Variants in UBE2R2 observed in about 807,000 individuals in gnomAD.
UBE2R2 encodes the protein ubiquitin conjugating enzyme E2 R2.
Under a neutral mutation model 27.8 loss-of-function variants are expected in UBE2R2, and 1 was observed. The ratio of observed to expected loss-of-function variants is 0.04; its 90% confidence interval spans 0.01 to 0.17. UBE2R2 has a LOEUF of 0.17. Among genes scored for constraint, UBE2R2 ranks in the 10% least tolerant of loss-of-function variants. The probability of loss-of-function intolerance (pLI) is 1.00; values close to 1 mark genes in which losing one functional copy is unlikely to be tolerated. For synonymous variants in UBE2R2, 106 were observed against 113.3 expected (o/e 0.94, Z 0.41); for missense variants, 100 against 291.0 (o/e 0.34, Z 4.78).
At chr9:33,867,478 G>A (rs1013231423) in intron 1 of UBE2R2, among the ~76,000 whole-genome samples, 2 of 152,184 alleles carry the variant, frequency 1.3e-5, no homozygotes, top group Admixed American at 6.5e-5. Context: ...ATGTACAGGT[G>A]TAGTAAGATT....
At chr9:33,875,745 C>A (rs1191585640) in intron 1 of UBE2R2, among the ~76,000 whole-genome samples, 2 of 152,066 alleles carry the variant, frequency 1.3e-5, no homozygotes, top group Non-Finnish European at 2.9e-5. Context: ...AAAGACAATG[C>A]TTAGAATTGT....
rs769336264 is a variant in UBE2R2 at position 33,919,864 on chromosome 9, C to G, written c.*2627C>G. 1.3e-5 allele frequency: 2 copies of G among 152,158 alleles called. No individual in the cohort carries two copies. The highest frequency in any genetic ancestry group is 2.9e-5 in the Non-Finnish European group (2 of 68,024). The allele number at this position is 152,158 out of a possible 1,614,324, so 9.4% of individuals were successfully genotyped here. On this transcript the variant is annotated 3_prime_UTR_variant, in exon 5 of 5. Coordinates refer to ENST00000263228, the MANE Select transcript of UBE2R2 (RefSeq NM_017811.4). ...CCTTTTAGTTCTAATTGAGGCCTCA[C>G]TAGATGCTCTTCAGTTCTGTGTATT...
At position 33,825,361 on chromosome 9, in the gene UBE2R2, T is replaced by C. The variant is rs561067918; in HGVS notation, c.177+7427T>C. Among the ~76,000 whole-genome samples, 168 of 151,422 alleles carry C rather than the reference T, an allele frequency of 1.1e-3. 1 individual carries two copies. The highest frequency in any genetic ancestry group is 3.9e-3 in the African/African-American group (161 of 41,270). ...GGTCCAAGCAATTCTCCTCCTCAGCTTCCCGAGTAGCTGGGGCTACAGGCG... is the reference window on the plus strand; with the variant it reads ...GGTCCAAGCAATTCTCCTCCTCAGCCTCCCGAGTAGCTGGGGCTACAGGCG... On this transcript the variant is annotated intron_variant, in intron 1 of 4. Transcript: ENST00000263228.
chr9:33,827,713 G>A (rs150368867), intron 1 of UBE2R2, among the ~76,000 whole-genome samples: 2,758 of 152,044 alleles, frequency 0.018, 85 homozygotes, highest in African/African-American at 0.062. Flanking sequence ...ACCCATGCCT[G>A]TAATCCCAGC....
In UBE2R2 at chr9:33,896,606, ATT is replaced by A. The variant is rs60575205; in HGVS notation, c.265-3554_265-3553del. Among the ~76,000 whole-genome samples, 281 of 139,500 alleles carry A rather than the reference ATT, an allele frequency of 2.0e-3. 1 individual carries two copies. The highest frequency in any genetic ancestry group is 5.6e-3 in the African/African-American group (213 of 38,064). 91.5% of individuals were successfully genotyped at this position (139,500 alleles called of 152,430 possible). A position where few individuals can be genotyped will look rare whatever the true frequency, so the allele number is the denominator to read the frequency against. On this transcript the variant is annotated intron_variant, in intron 2 of 4. Transcript: ENST00000263228. ...TACCGGCGCTGTGTCATGACTGGCT[ATT>A]TTTTTTTTTTTTTGTATTTTTAGTA...
chr9:33,862,480 G>T (rs1821261434), intron 1 of UBE2R2, among the ~76,000 whole-genome samples: 1 of 152,118 alleles, frequency 6.6e-6, no homozygotes, highest in Non-Finnish European at 1.5e-5. Context: ...CTTGATGTTT[G>T]ACATATATTT....
intron 2 of UBE2R2, among the ~76,000 whole-genome samples, chr9:33,889,499 C>A (rs1353938047): frequency 6.6e-6 from 1 of 152,232 alleles, no homozygotes; most frequent in Non-Finnish European, 1.5e-5. Flanking sequence ...CCACCGCACC[C>A]GGCCCTCTCT....
intron 3 of UBE2R2, among the ~76,000 whole-genome samples, chr9:33,910,340 G>C (rs928855718): frequency 1.1e-4 from 16 of 151,908 alleles, no homozygotes; most frequent in African/African-American, 3.9e-4. Context: ...GTAGAGACGG[G>C]GTTTCACCGT....
At chr9:33,871,287 G>T (rs915609447) in intron 1 of UBE2R2, among the ~76,000 whole-genome samples, 1 of 152,196 alleles carries the variant, frequency 6.6e-6, no homozygotes, top group African/African-American at 2.4e-5. Context: ...ATGGTAACAT[G>T]TTTGGTTTTC....
chr9:33,872,228 CA>C (rs760878428), intron 1 of UBE2R2, among the ~76,000 whole-genome samples: 2,234 of 133,306 alleles, frequency 0.017, 33 homozygotes, highest in African/African-American at 0.047. Context: ...CTATCTCTAC[CA>C]AAAAAAAAAA....
At chr9:33,865,327 C>T (rs1291935733) in intron 1 of UBE2R2, among the ~76,000 whole-genome samples, 1 of 152,064 alleles carries the variant, frequency 6.6e-6, no homozygotes, top group Non-Finnish European at 1.5e-5. Flanking sequence ...GCCTCAGCCT[C>T]CCGAGTAGCT....
chr9:33,883,713 C>CA (rs1158414910), intron 1 of UBE2R2, among the ~76,000 whole-genome samples: 24,423 of 74,900 alleles, frequency 0.33, 3,249 homozygotes, highest in Non-Finnish European at 0.39. Context: ...GACTCTGTCT[C>CA]AAAAAAAAAA....
At chr9:33,858,624 A>C (rs1051991142) in intron 1 of UBE2R2, among the ~76,000 whole-genome samples, 3 of 150,596 alleles carry the variant, frequency 2.0e-5, no homozygotes, top group Non-Finnish European at 4.4e-5. Context: ...CTGGTCTTGA[A>C]CTCCTGATAG....
rs570744410 is a variant in UBE2R2 at position 33,918,544 on chromosome 9, C to T, written c.*1307C>T. On this transcript the variant is annotated 3_prime_UTR_variant, in exon 5 of 5. Transcript: ENST00000263228. ...ATGCACTTGCTGCAGCTTTGATTTT[C>T]CAGATCTCAATCGTGTTGCTTCAAT... is the stretch of plus-strand genomic sequence containing the variant. The T allele has an allele frequency of 6.6e-6, 1 of 152,216 alleles. No homozygotes were observed. Among genetic ancestry groups the T allele is most frequent in the Non-Finnish European group, 1.5e-5 (1 of 68,026 alleles). 9.4% of individuals were successfully genotyped at this position (152,216 alleles called of 1,614,324 possible). A position where few individuals can be genotyped will look rare whatever the true frequency, so the allele number is the denominator to read the frequency against.
chr9:33,909,010 A>ATAAATAAG (rs1822426428), intron 3 of UBE2R2, among the ~76,000 whole-genome samples: 1 of 151,982 alleles, frequency 6.6e-6, no homozygotes, highest in Non-Finnish European at 1.5e-5. Flanking sequence ...CTGTCTTTAA[A>ATAAATAAG]TAAATAAATA....
chr9:33,916,384 A>C (rs1490426996), intron 4 of UBE2R2, among the ~76,000 whole-genome samples: 1 of 152,140 alleles, frequency 6.6e-6, no homozygotes, highest in Non-Finnish European at 1.5e-5. Context: ...AATCTGGCAT[A>C]GGCATTTGAA....
chr9:33,830,011 G>T (rs1820421798), intron 1 of UBE2R2, among the ~76,000 whole-genome samples: 1 of 151,836 alleles, frequency 6.6e-6, no homozygotes, highest in East Asian at 1.9e-4. Context: ...TGGTCAAGCT[G>T]GTCTCGAACT....
intron 2 of UBE2R2, among the ~76,000 whole-genome samples, chr9:33,894,571 C>T (rs1181745001): frequency 6.6e-6 from 1 of 152,032 alleles, no homozygotes; most frequent in Non-Finnish European, 1.5e-5. Context: ...GTAGCTGGGA[C>T]TACAAGTGTG....
At chr9:33,850,112 G>A (rs553062964) in intron 1 of UBE2R2, among the ~76,000 whole-genome samples, 1 of 152,234 alleles carries the variant, frequency 6.6e-6, no homozygotes, top group Non-Finnish European at 1.5e-5. Flanking sequence ...GCACTGGGCT[G>A]GAGTCTGTGA....
Sources: allele counts gnomAD v4.1 joint callset (sites outside exome capture counted in the v4.1 genomes callset), GRCh38; gene constraint gnomAD v4.1.1; transcripts MANE v1.5; gene names NCBI Gene and HGNC (gene_info 2026-07-23, HGNC 2026-07-21).